The following FLI1 variants were observed in gnomAD, a reference collection of about 807,000 sequenced individuals.
FLI1 encodes Fli-1 proto-oncogene, ETS transcription factor, also known as Friend leukemia integration 1 transcription factor.
Under a neutral mutation model 53.1 loss-of-function variants are expected in FLI1, and 13 were observed. The observed-to-expected ratio is 0.24, with a 90% CI of 0.16 to 0.39. FLI1 has a LOEUF of 0.39. Among genes scored for constraint, FLI1 ranks in the 10% least tolerant of loss-of-function variants. The pLI, the probability that FLI1 is intolerant of heterozygous loss-of-function variation, is 1.00. For missense variants in FLI1, 424 were observed against 600.5 expected (o/e 0.71, Z 3.07); for synonymous variants, 244 against 236.7 (o/e 1.03, Z -0.28).
chr11:128,764,586 G>A, intron 2 of FLI1: 1 of 1,443,396 alleles, frequency 6.9e-7, no homozygotes, highest in Non-Finnish European at 9.4e-7. Context: ...GTGCAGGCAA[G>A]CTGAATGGCA....
At chr11:128,786,432 C>T (rs1417670032) in intron 5 of FLI1, among the ~76,000 whole-genome samples, 2 of 152,176 alleles carry the variant, frequency 1.3e-5, no homozygotes, top group African/African-American at 2.4e-5. Flanking sequence ...ACTGTACGTT[C>T]GTACATCTCA....
chr11:128,721,046 A>G (rs1939232258), intron 1 of FLI1, among the ~76,000 whole-genome samples: 2 of 152,136 alleles, frequency 1.3e-5, no homozygotes, highest in Non-Finnish European at 1.5e-5. Context: ...GAGCTCTCTC[A>G]ACTAATCCAG....
intron 1 of FLI1, among the ~76,000 whole-genome samples, chr11:128,715,496 A>G (rs571277778): frequency 6.6e-6 from 1 of 152,386 alleles, no homozygotes; most frequent in East Asian, 1.9e-4. Context: ...CCTGCTGTGC[A>G]ACTTCCATGG....
intron 1 of FLI1, among the ~76,000 whole-genome samples, chr11:128,696,752 A>G (rs1174110072): frequency 2.0e-5 from 3 of 152,140 alleles, no homozygotes; most frequent in Non-Finnish European, 4.4e-5. Context: ...ATCAGGTTTG[A>G]GTGATTCTAG....
intron 1 of FLI1, among the ~76,000 whole-genome samples, chr11:128,687,432 A>T (rs1034007016): frequency 2.0e-5 from 3 of 152,150 alleles, no homozygotes; most frequent in East Asian, 1.9e-4. Flanking sequence ...CCCTCACGCC[A>T]TGCAGCCGCG....
chr11:128,751,847 GA>G (rs1351516854), intron 1 of FLI1, among the ~76,000 whole-genome samples: 2 of 136,676 alleles, frequency 1.5e-5, no homozygotes, highest in African/African-American at 6.1e-5. Flanking sequence ...TTTTTTTGTA[GA>G]GAAAGAGTTA....
intron 1 of FLI1, among the ~76,000 whole-genome samples, chr11:128,715,687 G>C (rs1043424961): frequency 6.6e-6 from 1 of 152,134 alleles, no homozygotes. Context: ...TTTCCCACTG[G>C]GGAATCTGAG....
upstream of FLI1, among the ~76,000 whole-genome samples, chr11:128,693,581 G>A (rs2135682262): frequency 6.6e-6 from 1 of 152,278 alleles, no homozygotes; most frequent in Non-Finnish European, 1.5e-5. Flanking sequence ...GTATCTGTGG[G>A]AAGAAACGGA....
intron 1 of FLI1, among the ~76,000 whole-genome samples, chr11:128,735,416 T>G (rs1451779372): frequency 3.9e-5 from 6 of 152,226 alleles, no homozygotes; most frequent in African/African-American, 1.4e-4. Context: ...CTTATTTGTA[T>G]TGATGGATTT....
chr11:128,778,905 G>A (rs528638838), intron 4 of FLI1, among the ~76,000 whole-genome samples: 1 of 151,932 alleles, frequency 6.6e-6, no homozygotes, highest in Non-Finnish European at 1.5e-5. Context: ...GGGAACTAAT[G>A]AAGTAGAAAT....
Position 128,810,383 on chromosome 11 carries a change from T to C in FLI1, c.830-76T>C, listed in dbSNP as rs1406484151. ...TTCTTTAAAAGGATGAGAAGCTCCC[T>C]GCATTTAGGGAACTGGGTTCTGCCT... is the stretch of plus-strand genomic sequence containing the variant. On this transcript the variant is annotated intron_variant, in intron 8 of 8. Coordinates refer to ENST00000527786, the MANE Select transcript of FLI1 (RefSeq NM_002017.5). The surrounding 1 kb of genome is among the most constrained non-coding windows in gnomAD (Gnocchi z 6.6). 2.8e-6 allele frequency: 4 copies of C among 1,405,972 alleles called. No homozygotes were observed. The highest frequency in any genetic ancestry group is 3.8e-6 in the Non-Finnish European group (4 of 1,039,944). The allele number at this position is 1,405,972 out of a possible 1,614,324, so 87.1% of individuals were successfully genotyped here.
At chr11:128,809,334 C>A in intron 8 of FLI1, 130 bp downstream of exon 8, 1 of 794,802 alleles carries the variant, frequency 1.3e-6, no homozygotes, top group South Asian at 1.5e-5. Context: ...TTGAAATGTT[C>A]AATGTCTGTT....
At chr11:128,799,203 C>A (rs534238200) in intron 5 of FLI1, among the ~76,000 whole-genome samples, 5 of 152,018 alleles carry the variant, frequency 3.3e-5, no homozygotes, top group Non-Finnish European at 5.9e-5. Flanking sequence ...AGCCACCACA[C>A]CCAGCCTGAG....
At chr11:128,685,708 C>CAAA (rs5795633), upstream of FLI1, among the ~76,000 whole-genome samples, 191 of 57,618 alleles carry the variant, frequency 3.3e-3, 61 homozygotes, top group African/African-American at 5.1e-3. Flanking sequence ...CTTGAGGAGC[C>CAAA]AAAAAAAAAA....
In FLI1 at chr11:128,694,214, G is replaced by C; in HGVS notation, c.-45G>C. 1 of 1,522,876 alleles carries C rather than the reference G, an allele frequency of 6.6e-7. No individual in the cohort carries two copies. Among genetic ancestry groups the C allele is most frequent in the Non-Finnish European group, 8.8e-7 (1 of 1,136,316 alleles). 94.3% of individuals were successfully genotyped at this position (1,522,876 alleles called of 1,614,324 possible). ...GGCTGCGAGGTCAGGCTGTAACCGG[G>C]TCAATGTGTGGAATATTGGGGGGCT... is the stretch of plus-strand genomic sequence containing the variant. On this transcript the variant is annotated 5_prime_UTR_variant, in exon 1 of 9. Transcript: ENST00000527786.
At chr11:128,776,479 C>G (rs138999969) in intron 4 of FLI1, among the ~76,000 whole-genome samples, 1 of 152,188 alleles carries the variant, frequency 6.6e-6, no homozygotes, top group Admixed American at 6.5e-5. Context: ...GGTGAAACCC[C>G]GTCTCTACTA....
chr11:128,688,748 G>A (rs551448773), intron 1 of FLI1, among the ~76,000 whole-genome samples: 1 of 152,314 alleles, frequency 6.6e-6, no homozygotes, highest in East Asian at 1.9e-4. Flanking sequence ...AAGAACAAGG[G>A]AAAGGGAGAG....
intron 1 of FLI1, among the ~76,000 whole-genome samples, chr11:128,749,419 C>CG (rs1035048021): frequency 6.6e-6 from 1 of 152,076 alleles, no homozygotes; most frequent in Non-Finnish European, 1.5e-5. Flanking sequence ...TCCTCTCCTG[C>CG]GGGCCTCTCC....
At chr11:128,787,326 G>T (rs1470691573) in intron 5 of FLI1, among the ~76,000 whole-genome samples, 1 of 152,122 alleles carries the variant, frequency 6.6e-6, no homozygotes, top group Non-Finnish European at 1.5e-5. Flanking sequence ...TGAAAACAAG[G>T]CACAGAGAGA....
Sources: gnomAD v4.1 joint callset for allele counts (sites outside exome capture counted in the v4.1 genomes callset) on GRCh38, gnomAD v4.1.1 for gene constraint, Gnocchi (gnomAD v3.1) non-coding constraint, MANE v1.5 for transcripts, NCBI Gene and HGNC (gene_info 2026-07-23, HGNC 2026-07-21) for gene names.